The following ZNF385D variants were observed in gnomAD, a reference collection of about 807,000 sequenced individuals.
ZNF385D encodes the protein zinc finger protein 659.
A neutral mutation model predicts 35.8 loss-of-function variants in ZNF385D; 15 were observed. The observed-to-expected ratio is 0.42, with a 90% CI of 0.28 to 0.64. The LOEUF is 0.64. Among genes scored for constraint, ZNF385D ranks in the 30% least tolerant of loss-of-function variants. ZNF385D has a pLI of 0.23. For missense variants in ZNF385D, 474 were observed against 494.6 expected, an observed-to-expected ratio of 0.96 and a Z score of 0.39; for synonymous variants, 212 against 186.8, an observed-to-expected ratio of 1.13 and a Z score of -1.10.
At chr3:22,036,181 G>C (rs1489765013) in intron 3 of ZNF385D, among the ~76,000 whole-genome samples, 1 of 152,150 alleles carries the variant, frequency 6.6e-6, no homozygotes, top group African/African-American at 2.4e-5. Flanking sequence ...GAGAATCTCA[G>C]GTGAAAGGGA....
At position 22,334,972 on chromosome 3, in the gene ZNF385D, T is replaced by TA. The variant is rs1285002307; in HGVS notation, c.106+37477dup. Among the ~76,000 whole-genome samples the TA allele has an allele frequency of 5.9e-5, 9 of 152,280 alleles. No individual in the cohort carries two copies. The East Asian group carries it at 1.3e-3, about 23-fold the overall frequency. On this transcript the variant is annotated intron_variant, in intron 2 of 5. Coordinates refer to the ZNF385D transcript ENST00000494108. ...TTTCATAATGAGAATATTCCTTGTT[T>TA]AAAAAATCATTGTGTTAATTCAACA...
intron 3 of ZNF385D, among the ~76,000 whole-genome samples, chr3:22,076,397 G>A (rs1295913100): frequency 6.6e-6 from 1 of 151,694 alleles, no homozygotes; most frequent in Non-Finnish European, 1.5e-5. Context: ...CCATTAGCTG[G>A]CTTATTTTTT....
chr3:21,653,891 T>C (rs1364175906), intron 2 of ZNF385D, among the ~76,000 whole-genome samples: 2 of 152,076 alleles, frequency 1.3e-5, no homozygotes, highest in African/African-American at 2.4e-5. Context: ...CACAGGTTTT[T>C]TGGAAGGCAA....
intron 3 of ZNF385D, among the ~76,000 whole-genome samples, chr3:21,861,230 C>T (rs1679234): frequency 0.42 from 63,910 of 151,730 alleles, 13,683 homozygotes; most frequent in African/African-American, 0.44. Context: ...CTATTTTTTT[C>T]GTGCCATAGT....
chr3:21,561,982 C>A (rs1466641458), intron 3 of ZNF385D: 1 of 152,040 alleles, frequency 6.6e-6, no homozygotes, highest in African/African-American at 2.4e-5. Flanking sequence ...AAGACTAATA[C>A]AATAATCATC....
intron 2 of ZNF385D, among the ~76,000 whole-genome samples, chr3:22,225,761 CA>C (rs1698516900): frequency 6.6e-6 from 1 of 152,110 alleles, no homozygotes; most frequent in Non-Finnish European, 1.5e-5. Flanking sequence ...TAAGCAAACC[CA>C]AACTAAGTGT....
intron 2 of ZNF385D, among the ~76,000 whole-genome samples, chr3:21,580,548 T>G (rs909749053): frequency 6.6e-6 from 1 of 152,134 alleles, no homozygotes; most frequent in African/African-American, 2.4e-5. Flanking sequence ...CATTTTTTTC[T>G]TGCTTTACTG....
chr3:22,201,133 T>A (rs1380372201), intron 2 of ZNF385D, among the ~76,000 whole-genome samples: 1 of 152,142 alleles, frequency 6.6e-6, no homozygotes, highest in Non-Finnish European at 1.5e-5. Context: ...ATGAAATCTT[T>A]ACAATTCATG....
intron 4 of ZNF385D, among the ~76,000 whole-genome samples, chr3:21,450,171 C>T (rs1387316187): frequency 6.6e-6 from 1 of 152,160 alleles, no homozygotes; most frequent in East Asian, 1.9e-4. Context: ...TCACTACCTG[C>T]ACCTCCAGAG....
intron 2 of ZNF385D, among the ~76,000 whole-genome samples, chr3:21,625,291 G>A (rs958910910): frequency 2.0e-5 from 3 of 151,918 alleles, no homozygotes; most frequent in East Asian, 1.9e-4. Context: ...TGCCGTTCTC[G>A]TTGACAGTTA....
At chr3:21,765,733 A>G (rs1438157007) in intron 3 of ZNF385D, among the ~76,000 whole-genome samples, 1 of 135,788 alleles carries the variant, frequency 7.4e-6, no homozygotes, top group Non-Finnish European at 1.7e-5. Flanking sequence ...AGAGAGAGAA[A>G]GAGAGAGAGA....
At chr3:21,770,713 A>G (rs2071037819) in intron 3 of ZNF385D, among the ~76,000 whole-genome samples, 2 of 152,204 alleles carry the variant, frequency 1.3e-5, no homozygotes, top group Non-Finnish European at 2.9e-5. Flanking sequence ...TAGAAATACC[A>G]TTTGACCCAG....
intron 3 of ZNF385D, among the ~76,000 whole-genome samples, chr3:21,876,595 T>G (rs1234796186): frequency 1.3e-5 from 2 of 152,014 alleles, no homozygotes; most frequent in Non-Finnish European, 2.9e-5. Flanking sequence ...TCATGCCTTG[T>G]GCTCAGTGCT....
At position 22,339,050 on chromosome 3, in the gene ZNF385D, T is replaced by G. The variant is rs111511611; in HGVS notation, c.106+33400A>C. Among the ~76,000 whole-genome samples, 225 of 152,162 alleles carry G rather than the reference T, an allele frequency of 1.5e-3. 1 individual carries two copies. Among genetic ancestry groups the G allele is most frequent in the East Asian group, 7.0e-3 (36 of 5,166 alleles). ...ACATTGATGTTTAAATACATATATATAGAGAGATGATAGGCACATTATAAA... is the reference window on the plus strand; with the variant it reads ...ACATTGATGTTTAAATACATATATAGAGAGAGATGATAGGCACATTATAAA... On this transcript the variant is annotated intron_variant, in intron 2 of 5. Transcript: ENST00000494108.
In ZNF385D at chr3:21,836,250, G is replaced by A. The variant is rs935271902; in HGVS notation, c.326-171222C>T. Among the ~76,000 whole-genome samples the A allele has an allele frequency of 3.9e-5, 6 of 152,072 alleles. No homozygotes were observed. The South Asian group carries it at 1.2e-3, about 32-fold the overall frequency. On this transcript the variant is annotated intron_variant, in intron 3 of 5. Coordinates refer to the ZNF385D transcript ENST00000494108. ...GATATCAAGAGAAAAACATAAATAT[G>A]GAGGCGCATTAAATCATTTTCGTGT...
intron 2 of ZNF385D, among the ~76,000 whole-genome samples, chr3:21,624,763 A>T (rs2065090865): frequency 6.6e-6 from 1 of 152,102 alleles, no homozygotes; most frequent in South Asian, 2.1e-4. Flanking sequence ...TGCAATCTGA[A>T]TCCTGGAAGG....
At chr3:21,645,506 G>A (rs1307127102) in intron 2 of ZNF385D, among the ~76,000 whole-genome samples, 1 of 152,202 alleles carries the variant, frequency 6.6e-6, no homozygotes, top group Non-Finnish European at 1.5e-5. Context: ...ATGGTAAACC[G>A]CTGAATCCAC....
chr3:21,815,940 C>T (rs767309961), intron 3 of ZNF385D, among the ~76,000 whole-genome samples: 9 of 152,162 alleles, frequency 5.9e-5, no homozygotes, highest in Non-Finnish European at 1.3e-4. Flanking sequence ...CAATAAAATA[C>T]TGGCAAACCG....
At chr3:22,136,165 C>T (rs1704087059) in intron 3 of ZNF385D, among the ~76,000 whole-genome samples, 1 of 152,154 alleles carries the variant, frequency 6.6e-6, no homozygotes, top group African/African-American at 2.4e-5. Flanking sequence ...GGATGGATCG[C>T]CTGAGCTCAG....
Sources: allele counts gnomAD v4.1 joint callset (sites outside exome capture counted in the v4.1 genomes callset), GRCh38; gene constraint gnomAD v4.1.1; transcripts MANE v1.5; gene names NCBI Gene and HGNC (gene_info 2026-07-23, HGNC 2026-07-21).